TACC1: variants seen among roughly 807,000 people sequenced by gnomAD.
The protein encoded by TACC1 is transforming acidic coiled-coil-containing protein 1.
In TACC1, 48 loss-of-function variants were observed where a neutral mutation model predicts 84.4. The observed-to-expected ratio is 0.57, with a 90% CI of 0.45 to 0.72. TACC1 has a LOEUF of 0.72. Among genes scored for constraint, TACC1 ranks in the 30% least tolerant of loss-of-function variants. The pLI, the probability that TACC1 is intolerant of heterozygous loss-of-function variation, is 0.00. For synonymous variants in TACC1, 372 were observed against 376.3 expected (o/e 0.99, Z 0.13); for missense variants, 920 against 973.0 (o/e 0.95, Z 0.72).
intron 3 of TACC1, among the ~76,000 whole-genome samples, chr8:38,751,334 A>G (rs1441941451): frequency 6.6e-6 from 1 of 152,244 alleles, no homozygotes; most frequent in Non-Finnish European, 1.5e-5. Context: ...TTAAGGCAGT[A>G]AAGTATAGAG....
chr8:38,785,794 G>A, upstream of TACC1: 1 of 821,254 alleles, frequency 1.2e-6, no homozygotes, highest in Non-Finnish European at 1.5e-6. Flanking sequence ...ATTTCACATG[G>A]ACCTCCTGCC....
intron 1 of TACC1, 27 bp downstream of exon 1, chr8:38,787,770 T>G (rs1437887951): frequency 6.7e-7 from 1 of 1,493,752 alleles, no homozygotes; most frequent in Non-Finnish European, 8.9e-7. Context: ...CCCGCTGAGA[T>G]GCAGACGCGC....
chr8:38,769,124 T>G (rs1330118904), intron 3 of TACC1, among the ~76,000 whole-genome samples: 3 of 138,838 alleles, frequency 2.2e-5, no homozygotes, highest in East Asian at 2.3e-4. Flanking sequence ...TGGGTGGGGG[T>G]GTGTGTGGTA....
At chr8:38,822,848 A>ATAACCCTACGGGAT (rs1827180876) in intron 3 of TACC1, among the ~76,000 whole-genome samples, 1 of 152,226 alleles carries the variant, frequency 6.6e-6, no homozygotes, top group South Asian at 2.1e-4. Context: ...CAGTTCCATT[A>ATAACCCTACGGGAT]TAACCCTACG....
upstream of TACC1, chr8:38,787,234 G>C (rs1424954589): frequency 5.9e-6 from 6 of 1,008,678 alleles, no homozygotes; most frequent in Non-Finnish European, 7.1e-6. Flanking sequence ...GCCGGGAGGC[G>C]GGAGTCCGCG....
intron 3 of TACC1, among the ~76,000 whole-genome samples, chr8:38,781,531 G>A (rs948691317): frequency 2.6e-5 from 4 of 152,016 alleles, no homozygotes; most frequent in African/African-American, 9.7e-5. Flanking sequence ...ACAGGTGCGT[G>A]CCACATGCCC....
At chr8:38,745,506 A>T (rs1807898413) in intron 3 of TACC1, 1 of 687,106 alleles carries the variant, frequency 1.5e-6, no homozygotes, top group Admixed American at 2.2e-5. Context: ...AAGGGTTTTA[A>T]TTTTTGTTTT....
chr8:38,753,813 T>C (rs920127683), intron 3 of TACC1, among the ~76,000 whole-genome samples: 10 of 152,182 alleles, frequency 6.6e-5, no homozygotes, highest in African/African-American at 2.4e-4. Context: ...ATATGTTAAA[T>C]CTTTTACATT....
At chr8:38,828,952 A>G (rs974037130) in intron 5 of TACC1, among the ~76,000 whole-genome samples, 4 of 152,186 alleles carry the variant, frequency 2.6e-5, no homozygotes, top group Non-Finnish European at 5.9e-5. Context: ...GAGATTGACC[A>G]GTGCACTGTA....
intron 9 of TACC1, among the ~76,000 whole-genome samples, chr8:38,841,845 A>G (rs1831334483): frequency 6.6e-6 from 1 of 152,160 alleles, no homozygotes; most frequent in South Asian, 2.1e-4. Flanking sequence ...CTTCTCATCT[A>G]TATCATAAGG....
At chr8:38,769,206 T>TTATA (rs1812937646) in intron 3 of TACC1, among the ~76,000 whole-genome samples, 1 of 111,654 alleles carries the variant, frequency 9.0e-6, no homozygotes, top group African/African-American at 3.5e-5. Context: ...GTGTGTGTGA[T>TTATA]TGTGTGGTGT....
intron 5 of TACC1, among the ~76,000 whole-genome samples, chr8:38,830,673 C>T (rs557075534): frequency 3.3e-5 from 5 of 152,316 alleles, no homozygotes; most frequent in South Asian, 2.1e-4. Flanking sequence ...AGTTTAGTTT[C>T]GCTGCCTTGA....
chr8:38,807,951 G>A (rs558735430), intron 2 of TACC1, among the ~76,000 whole-genome samples: 10 of 152,326 alleles, frequency 6.6e-5, no homozygotes, highest in African/African-American at 2.4e-5. Flanking sequence ...ACCCGTGGGC[G>A]ATTCACACAA....
At chr8:38,826,331 A>G (rs1447550309) in intron 4 of TACC1, among the ~76,000 whole-genome samples, 1 of 152,206 alleles carries the variant, frequency 6.6e-6, no homozygotes, top group Non-Finnish European at 1.5e-5. Context: ...TTTAAAAAAC[A>G]AAAACAAAAA....
In TACC1 at chr8:38,831,150, G is replaced by C; in HGVS notation, c.1686G>C (p.Lys562Asn). Residue 562 changes from lysine to asparagine, a missense_variant, in exon 6 of 13, where the codon AAG becomes AAC. Physicochemically the swap from Lys to Asn is moderately conservative, Grantham distance 94 (BLOSUM62 0). This residue lies in a region of TACC1 where 762 missense variants were observed against 747.3 expected (regional missense o/e 1.02). Coordinates refer to ENST00000317827, the MANE Select transcript of TACC1 (RefSeq NM_006283.3). ...GCATAGAGAAGGAGACGTGCCAGAA[G>C]ATGGAAGAAGACGGGTCCACTGTGC... is the stretch of plus-strand genomic sequence containing the variant. ...EAGIEKETCQ[K>N]MEEDGSTVLG... 1 of 1,614,232 alleles carries C rather than the reference G, an allele frequency of 6.2e-7. No homozygotes were observed. The highest frequency in any genetic ancestry group is 8.5e-7 in the Non-Finnish European group (1 of 1,180,034).
chr8:38,819,725 G>A lies in TACC1; in HGVS notation c.481G>A (p.Asp161Asn), dbSNP rs1321457883. The change falls in exon 3 of 13, where the codon GAT becomes AAT. Residue 161 changes from aspartate (D) to asparagine (N), a missense_variant. By Grantham distance (23) the Asp-to-Asn change is conservative. Coordinates refer to ENST00000317827, the MANE Select transcript of TACC1 (RefSeq NM_006283.3). ...PFSIETKDST[D>N]ISAVLGTKAA... ...TTCAATAGAAACGAAGGATTCCACG[G>A]ATATCTCGGCAGTCCTCGGAACAAA... 6.2e-7 allele frequency: 1 copy of A among 1,614,036 alleles called. No individual in the cohort carries two copies. Among genetic ancestry groups the A allele is most frequent in the Non-Finnish European group, 8.5e-7 (1 of 1,180,050 alleles).
intron 11 of TACC1, 111 bp from the exon 12 acceptor site, chr8:38,846,580 CAGTCAATT>C: frequency 8.4e-7 from 1 of 1,192,360 alleles, no homozygotes; most frequent in South Asian, 2.1e-5. Flanking sequence ...TTCTCTCATG[CAGTCAATT>C]CTTTGAGGCC....
intron 2 of TACC1, among the ~76,000 whole-genome samples, chr8:38,794,023 C>T (rs111311575): frequency 0.024 from 3,594 of 152,200 alleles, 130 homozygotes; most frequent in African/African-American, 0.075. Flanking sequence ...GAACTGTGGG[C>T]GTGAGGTGCC....
At chr8:38,774,412 T>A (rs1814372541) in intron 3 of TACC1, among the ~76,000 whole-genome samples, 1 of 143,376 alleles carries the variant, frequency 7.0e-6, no homozygotes, top group South Asian at 2.2e-4. Flanking sequence ...TTTGTCAAAT[T>A]TGTGGAATGA....
Sources: gnomAD v4.1 joint callset for allele counts (sites outside exome capture counted in the v4.1 genomes callset) on GRCh38, gnomAD v4.1.1 for gene constraint, gnomAD v4.1.1 regional missense constraint, MANE v1.5 for transcripts, NCBI Gene and HGNC (gene_info 2026-07-23, HGNC 2026-07-21) for gene names.